The following FGD6 variants were observed in gnomAD, a reference collection of about 807,000 sequenced individuals.
FGD6 encodes the protein FYVE, RhoGEF and PH domain-containing protein 6.
In FGD6, 90 loss-of-function variants were observed where a neutral mutation model predicts 149.4. The observed-to-expected ratio is 0.60, with a 90% CI of 0.51 to 0.72. The LOEUF (loss-of-function observed/expected upper bound fraction) is 0.72. FGD6 is among the 30% of genes least tolerant of loss of function. The pLI is 0.00. For missense variants in FGD6, 1,437 were observed against 1,684.8 expected, an observed-to-expected ratio of 0.85 and a Z score of 2.57; for synonymous variants, 527 against 584.0, an observed-to-expected ratio of 0.90 and a Z score of 1.41.
chr12:95,206,151 A>G (rs1299036056), intron 2 of FGD6, among the ~76,000 whole-genome samples: 1 of 152,182 alleles, frequency 6.6e-6, no homozygotes, highest in East Asian at 1.9e-4. Context: ...CCTGATGGCC[A>G]ACAGAAAACA....
chr12:95,085,826 C>A lies in FGD6; in HGVS notation c.4061G>T (p.Trp1354Leu), dbSNP rs1266666391. The A allele has an allele frequency of 6.2e-7, 1 of 1,613,652 alleles. No homozygotes were observed. The highest frequency in any genetic ancestry group is 2.2e-5 in the East Asian group (1 of 44,850). Residue 1354 changes from tryptophan to leucine, a missense_variant, in exon 19 of 21, where the codon TGG (tryptophan) becomes TTG (leucine). Physicochemically the swap from Trp to Leu is moderately conservative, Grantham distance 61. Transcript: ENST00000343958. ...KGNKKPWKHF[W>L]FVIKNKVLYT... The stretch of plus-strand genomic sequence containing the variant: ...TAGTACTTTATTTTTTATGACAAAC[C>A]AAAAGTGTTTCCAGGGTTTTTTATT...
In FGD6 at chr12:95,081,053, T is replaced by C. The variant is rs1027039909; in HGVS notation, c.*467A>G. ...ACCCAAGTTTATTGATTCAAAGACA[T>C]GCATTTTTTTCATCAGCAGTTTTAT... On this transcript the variant is annotated 3_prime_UTR_variant, in exon 21 of 21. Transcript: ENST00000343958. 6.6e-6 allele frequency: 1 copy of C among 152,242 alleles called. No individual in the cohort carries two copies. Among genetic ancestry groups the C allele is most frequent in the Admixed American group, 6.5e-5 (1 of 15,284 alleles). The allele number at this position is 152,242 out of a possible 1,614,324, so 9.4% of individuals were successfully genotyped here.
intron 2 of FGD6, among the ~76,000 whole-genome samples, chr12:95,175,348 G>T (rs1258410882): frequency 6.6e-6 from 1 of 152,144 alleles, no homozygotes; most frequent in Non-Finnish European, 1.5e-5. Flanking sequence ...CCAAATAAAT[G>T]AAAATGATAT....
chr12:95,199,905 A>C (rs1426984153), intron 2 of FGD6, among the ~76,000 whole-genome samples: 1 of 152,160 alleles, frequency 6.6e-6, no homozygotes, highest in South Asian at 2.1e-4. Flanking sequence ...CTACACTGAA[A>C]TCCCTTTCTT....
intron 14 of FGD6, 88 bp downstream of exon 14, chr12:95,104,919 A>C: frequency 8.5e-7 from 1 of 1,175,374 alleles, no homozygotes; most frequent in Non-Finnish European, 1.2e-6. Context: ...TCTCAAAAAA[A>C]ACCAAAAACC....
Position 95,084,622 on chromosome 12 carries a change from GC to G in FGD6, c.4131del (p.Gln1377HisfsTer4), listed in dbSNP as rs1877799376. ...TGAATAACAGTGAATCCTAATAAAGGCTGACTCTCCAAAGCGGCCACGTCCT... is the reference window on the plus strand; with the variant it reads ...TGAATAACAGTGAATCCTAATAAAGGTGACTCTCCAAAGCGGCCACGTCCT... ...ASEDVAALES[Q>X]PLLGFTVIQV... On this transcript the variant is annotated frameshift_variant, in exon 20 of 21. Transcript: ENST00000343958. LOFTEE classifies it high-confidence loss of function. The G allele has an allele frequency of 6.3e-7, 1 of 1,597,938 alleles. No homozygotes were observed. The highest frequency in any genetic ancestry group is 1.3e-5 in the African/African-American group (1 of 74,102).
intron 8 of FGD6, chr12:95,125,890 A>C (rs1008639214): frequency 9.2e-5 from 127 of 1,373,094 alleles, no homozygotes; most frequent in Non-Finnish European, 1.3e-4. Context: ...CCTTGCGCTC[A>C]AGTGAGGAGA....
At chr12:95,095,531 T>C (rs1207539259) in intron 14 of FGD6, among the ~76,000 whole-genome samples, 1 of 151,956 alleles carries the variant, frequency 6.6e-6, no homozygotes. Flanking sequence ...TAAAAATAAA[T>C]ATATAAATCT....
chr12:95,184,181 A>C (rs1881361386), intron 2 of FGD6, among the ~76,000 whole-genome samples: 1 of 152,162 alleles, frequency 6.6e-6, no homozygotes, highest in South Asian at 2.1e-4. Flanking sequence ...AAACCAAAGG[A>C]CTTCTGCAAT....
chr12:95,092,890 T>C (rs776252715), intron 15 of FGD6, 45 bp from the exon 16 acceptor site: 2 of 1,562,016 alleles, frequency 1.3e-6, no homozygotes, highest in East Asian at 4.7e-5. Context: ...GCACACTGCC[T>C]GCCTTTTTAT....
In FGD6 at chr12:95,214,242, T is replaced by C. The variant is rs116894287; in HGVS notation, c.17-2975A>G. Among the ~76,000 whole-genome samples, 25 of 152,304 alleles carry C rather than the reference T, an allele frequency of 1.6e-4. No homozygotes were observed. The East Asian group carries it at 4.6e-3, about 28-fold the overall frequency. ...ACATACACATACTCTTTAATATGTC[T>C]CCATAACAGAAAATTTCTTCTTTAA... On this transcript the variant is annotated intron_variant, in intron 1 of 20. Coordinates refer to ENST00000343958, the MANE Select transcript of FGD6 (RefSeq NM_018351.4).
chr12:95,113,544 G>A (rs934533605), intron 9 of FGD6, 107 bp downstream of exon 9: 21 of 902,980 alleles, frequency 2.3e-5, no homozygotes, highest in East Asian at 1.3e-4. Flanking sequence ...CCTTCAAGTC[G>A]TATGAAGAGA....
At chr12:95,083,012 A>AAAATATATATATATATATATATAT (rs68032073) in intron 20 of FGD6, among the ~76,000 whole-genome samples, 2 of 20,034 alleles carry the variant, frequency 1.0e-4, no homozygotes, top group Non-Finnish European at 1.7e-4. Context: ...AAAAAAAAAA[A>AAAATATATATATATATATATATAT]ATATATATAT....
At chr12:95,186,225 CTTCTTTTTTTTTTTTTTTTTTTTT>C (rs1881430003) in intron 2 of FGD6, among the ~76,000 whole-genome samples, 3 of 71,200 alleles carry the variant, frequency 4.2e-5, no homozygotes, top group African/African-American at 5.4e-5. Flanking sequence ...TTATATTCTT[CTTCTTTTTTTTTTTTTTTTTTTTT>C]TTTTTTTTTT....
At chr12:95,127,840 A>AT (rs1442699765) in intron 8 of FGD6, among the ~76,000 whole-genome samples, 1 of 152,132 alleles carries the variant, frequency 6.6e-6, no homozygotes, top group Non-Finnish European at 1.5e-5. Flanking sequence ...TCAAAGGACT[A>AT]TTTTTTTCTA....
intron 3 of FGD6, 58 bp from the exon 4 acceptor site, chr12:95,153,051 G>C: frequency 6.8e-7 from 1 of 1,478,336 alleles, no homozygotes; most frequent in South Asian, 1.1e-5. Flanking sequence ...GATCAGCTAT[G>C]AGCTAGTCAG....
intron 5 of FGD6, among the ~76,000 whole-genome samples, chr12:95,141,896 T>C (rs1290085592): frequency 6.6e-6 from 1 of 152,142 alleles, no homozygotes; most frequent in African/African-American, 2.4e-5. Flanking sequence ...ACACAATCCA[T>C]TTATTTTAAA....
intron 3 of FGD6, among the ~76,000 whole-genome samples, chr12:95,165,963 G>GT (rs149021127): frequency 0.11 from 14,994 of 132,676 alleles, 930 homozygotes; most frequent in African/African-American, 0.14. Flanking sequence ...TTCTTTTTCT[G>GT]TTTTTTTTTT....
chr12:95,100,789 A>C, intron 14 of FGD6: 1 of 448,328 alleles, frequency 2.2e-6, no homozygotes, highest in South Asian at 1.8e-5. Flanking sequence ...GCGAACAGAA[A>C]AATGCCCTTT....
Sources: allele counts gnomAD v4.1 joint callset (sites outside exome capture counted in the v4.1 genomes callset), GRCh38; gene constraint gnomAD v4.1.1; transcripts MANE v1.5; gene names NCBI Gene and HGNC (gene_info 2026-07-23, HGNC 2026-07-21).